Variants in PRKN observed in about 807,000 individuals in gnomAD.
PRKN encodes the protein parkin RBR E3 ubiquitin protein ligase, also known as E3 ubiquitin-protein ligase parkin.
PRKN carries 56 observed loss-of-function variants against 59.5 expected under a neutral mutation model. The observed-to-expected ratio is 0.94, with a 90% CI of 0.76 to 1.18. The LOEUF is 1.18. PRKN is among the 50% of genes most tolerant of loss of function. The pLI is 0.00. For synonymous variants in PRKN, 250 were observed against 222.1 expected (o/e 1.13, Z -1.12); for missense variants, 657 against 596.4 (o/e 1.10, Z -1.06).
At chr6:161,886,280 G>T (rs1255548455) in intron 6 of PRKN, among the ~76,000 whole-genome samples, 1 of 152,130 alleles carries the variant, frequency 6.6e-6, no homozygotes, top group Non-Finnish European at 1.5e-5. Context: ...CAATCTGATA[G>T]AATTCTTTGA....
chr6:162,642,783 T>C (rs1391750604), intron 1 of PRKN, among the ~76,000 whole-genome samples: 2 of 151,978 alleles, frequency 1.3e-5, no homozygotes, highest in Non-Finnish European at 2.9e-5. Context: ...ATTCACCTCA[T>C]GTGAAGTCTT....
intron 6 of PRKN, among the ~76,000 whole-genome samples, chr6:161,904,696 T>C (rs1778078356): frequency 1.3e-5 from 2 of 152,148 alleles, no homozygotes; most frequent in Non-Finnish European, 2.9e-5. Context: ...ACTTGGGATG[T>C]GCCAAGTCGC....
At chr6:161,486,477 T>C (rs776156935) in intron 9 of PRKN, among the ~76,000 whole-genome samples, 11 of 152,182 alleles carry the variant, frequency 7.2e-5, no homozygotes, top group Non-Finnish European at 1.3e-4. Flanking sequence ...GTGGTGTGAA[T>C]ACAGCTTCTC....
At chr6:162,726,142 A>G (rs1779169366) in intron 1 of PRKN, among the ~76,000 whole-genome samples, 1 of 152,242 alleles carries the variant, frequency 6.6e-6, no homozygotes, top group Non-Finnish European at 1.5e-5. Context: ...TTATTAGGTC[A>G]TAACTTATAA....
intron 2 of PRKN, among the ~76,000 whole-genome samples, chr6:162,380,945 T>G (rs1786449225): frequency 1.3e-5 from 2 of 151,610 alleles, no homozygotes; most frequent in Admixed American, 6.6e-5. Flanking sequence ...CATGGGAGAG[T>G]CCAGCGACCA....
chr6:161,363,869 A>G lies in PRKN; in HGVS notation c.1168-3664T>C, dbSNP rs906435511. Among the ~76,000 whole-genome samples, 2 of 152,200 alleles carry G rather than the reference A, an allele frequency of 1.3e-5. No individual in the cohort carries two copies. The highest frequency in any genetic ancestry group is 2.9e-5 in the Non-Finnish European group (2 of 68,040). ...ATCAACAGAAGTTCATTAAAGAAAC[A>G]TGATTTGGGGCCGGATGTGGTGGTT... On this transcript the variant is annotated intron_variant, in intron 10 of 11. Transcript: ENST00000366898. The surrounding 1 kb of genome is among the most constrained non-coding windows in gnomAD (Gnocchi z 4.1).
Position 161,529,558 on chromosome 6 carries a change from C to G in PRKN, c.1083+19296G>C, listed in dbSNP as rs1162454330. On this transcript the variant is annotated intron_variant, in intron 9 of 11. Transcript: ENST00000366898. This position sits in a 1 kb window ranked among gnomAD's most constrained non-coding sequence, Gnocchi z 4.4. The stretch of plus-strand genomic sequence containing the variant: ...TGGCTGGTTTCTCTTCAAACTCACA[C>G]AGTTTCAGTTCCAGTAATAAAACAT... Among the ~76,000 whole-genome samples, 1 of 152,202 alleles carries G rather than the reference C, an allele frequency of 6.6e-6. No homozygotes were observed. Among genetic ancestry groups the G allele is most frequent in the African/African-American group, 2.4e-5 (1 of 41,450 alleles).
Position 161,866,818 on chromosome 6 carries a change from G to T in PRKN, c.735-80910C>A, listed in dbSNP as rs765345516. On this transcript the variant is annotated intron_variant, in intron 6 of 11. Transcript: ENST00000366898. ...TGTGGGAGGATGTGGGGTAAGGACA[G>T]GGAGGAGCTGGTGGAAACAAACCTT... Among the ~76,000 whole-genome samples the T allele has an allele frequency of 2.0e-5, 3 of 152,216 alleles. No homozygotes were observed. In the East Asian group the frequency reaches 5.8e-4, roughly 29 times the overall value.
chr6:162,521,439 C>T (rs1481605229), intron 1 of PRKN, among the ~76,000 whole-genome samples: 1 of 152,148 alleles, frequency 6.6e-6, no homozygotes, highest in East Asian at 1.9e-4. Flanking sequence ...AAATATTTCA[C>T]CATGGCTTAT....
intron 6 of PRKN, among the ~76,000 whole-genome samples, chr6:161,823,478 C>T (rs764977926): frequency 1.3e-5 from 2 of 152,028 alleles, no homozygotes; most frequent in Non-Finnish European, 2.9e-5. Flanking sequence ...AAAATCCTGT[C>T]CATAAGTGTA....
In PRKN at chr6:162,402,377, G is replaced by A. The variant is rs180869532; in HGVS notation, c.171+40933C>T. On this transcript the variant is annotated intron_variant, in intron 2 of 11. Coordinates refer to ENST00000366898, the MANE Select transcript of PRKN (RefSeq NM_004562.3). The stretch of plus-strand genomic sequence containing the variant: ...TAGCCATATGTACTTTTCTCCAAAA[G>A]GAATCTATCGGAACACAAGGCCGTT... 4.9e-3 allele frequency among the ~76,000 whole-genome samples: 750 copies of A among 152,176 alleles called. 4 individuals are homozygous for A. The highest frequency in any genetic ancestry group is 0.017 in the African/African-American group (692 of 41,522).
At chr6:161,854,111 C>T (rs1220691580) in intron 6 of PRKN, among the ~76,000 whole-genome samples, 1 of 147,208 alleles carries the variant, frequency 6.8e-6, no homozygotes, top group Non-Finnish European at 1.5e-5. Context: ...AAAAATTAGC[C>T]AGGCATAGTG....
In PRKN at chr6:162,118,623, T is replaced by G. The variant is rs539736698; in HGVS notation, c.535-64449A>C. Among the ~76,000 whole-genome samples, 6 of 152,294 alleles carry G rather than the reference T, an allele frequency of 3.9e-5. No homozygotes were observed. In the South Asian group the frequency reaches 1.2e-3, roughly 32 times the overall value. On this transcript the variant is annotated intron_variant, in intron 4 of 11. Coordinates refer to ENST00000366898, the MANE Select transcript of PRKN (RefSeq NM_004562.3). Reference sequence around the variant, plus strand: ...GTCCTAACCTTGAAATGCCCAATGATGAGTTAATAAAGTCAGCAACATTAA... The same window carrying G: ...GTCCTAACCTTGAAATGCCCAATGAGGAGTTAATAAAGTCAGCAACATTAA...
At chr6:161,486,279 G>A (rs1201628670) in intron 9 of PRKN, among the ~76,000 whole-genome samples, 1 of 151,708 alleles carries the variant, frequency 6.6e-6, no homozygotes, top group East Asian at 1.9e-4. Flanking sequence ...TTACAATTTT[G>A]TAATGCACTT....
At chr6:161,689,221 CACACACACACACA>C (rs1328827866) in intron 7 of PRKN, among the ~76,000 whole-genome samples, 2 of 98,154 alleles carry the variant, frequency 2.0e-5, no homozygotes, top group African/African-American at 6.4e-5. Context: ...CACACACACA[CACACACACACACA>C]AAGTGAACCC....
chr6:162,475,982 C>T (rs1031968527), intron 1 of PRKN, among the ~76,000 whole-genome samples: 53 of 151,176 alleles, frequency 3.5e-4, no homozygotes, highest in African/African-American at 1.2e-3. Flanking sequence ...GTTCTCACCT[C>T]GTGAGCCGCC....
intron 2 of PRKN, among the ~76,000 whole-genome samples, chr6:162,359,015 G>C (rs1785003123): frequency 7.1e-6 from 1 of 141,300 alleles, no homozygotes; most frequent in Non-Finnish European, 1.5e-5. Context: ...AGCCGAGATT[G>C]TGCTACTGCA....
intron 6 of PRKN, 61 bp downstream of exon 6, chr6:161,973,241 C>T: frequency 9.4e-7 from 1 of 1,061,092 alleles, no homozygotes; most frequent in Non-Finnish European, 1.5e-6. Context: ...GGGAGTGATG[C>T]TATTTTTAGA....
intron 1 of PRKN, among the ~76,000 whole-genome samples, chr6:162,584,123 G>A (rs1417789220): frequency 1.3e-5 from 2 of 151,514 alleles, no homozygotes; most frequent in East Asian, 3.9e-4. Context: ...TGAGGCAGGA[G>A]AATGGTGTGA....
Sources: gnomAD v4.1 joint callset for allele counts (sites outside exome capture counted in the v4.1 genomes callset) on GRCh38, gnomAD v4.1.1 for gene constraint, Gnocchi (gnomAD v3.1) non-coding constraint, MANE v1.5 for transcripts, NCBI Gene and HGNC (gene_info 2026-07-23, HGNC 2026-07-21) for gene names.